SLC9A2: variants seen among roughly 807,000 people sequenced by gnomAD.
SLC9A2 encodes the protein solute carrier family 9 member A2.
SLC9A2 carries 42 observed loss-of-function variants against 71.7 expected under a neutral mutation model. The ratio of observed to expected loss-of-function variants is 0.59; its 90% CI spans 0.46 to 0.76. SLC9A2 has a LOEUF of 0.76. Among genes scored for constraint, SLC9A2 ranks in the 30% least tolerant of loss-of-function variants. SLC9A2 has a pLI of 0.00. For synonymous variants in SLC9A2, 396 were observed against 392.5 expected (o/e 1.01, Z -0.10); for missense variants, 829 against 1,017.4 (o/e 0.81, Z 2.52).
At chr2:102,699,653 G>A in intron 7 of SLC9A2, among the ~76,000 whole-genome samples, 1 of 152,136 alleles carries the variant, frequency 6.6e-6, no homozygotes, top group East Asian at 1.9e-4. Context: ...CAAAGATTTG[G>A]AGTACTAGTC....
At chr2:102,652,109 G>A (rs539601753) in intron 1 of SLC9A2, among the ~76,000 whole-genome samples, 1 of 152,150 alleles carries the variant, frequency 6.6e-6, no homozygotes, top group Non-Finnish European at 1.5e-5. Context: ...CATTTTAAAA[G>A]AAAGTGTTGA....
chr2:102,630,413 G>T (rs952141573), intron 1 of SLC9A2, among the ~76,000 whole-genome samples: 1 of 151,922 alleles, frequency 6.6e-6, no homozygotes, highest in African/African-American at 2.4e-5. Flanking sequence ...TCTTTTGTTG[G>T]TAAGTGGAAT....
intron 2 of SLC9A2, 30 bp from the exon 3 acceptor site, chr2:102,665,070 C>A: frequency 6.3e-7 from 1 of 1,595,438 alleles, no homozygotes; most frequent in African/African-American, 1.4e-5. Context: ...GGGAAAGGGT[C>A]TTGACAAGGT....
chr2:102,677,720 T>A (rs1348716677), intron 3 of SLC9A2, among the ~76,000 whole-genome samples: 1 of 152,200 alleles, frequency 6.6e-6, no homozygotes. Context: ...GGCAACACTT[T>A]TCTTTTTCCT....
chr2:102,620,080 G>A lies in SLC9A2; in HGVS notation c.232G>A (p.Val78Met). 1 of 1,613,890 alleles carries A rather than the reference G, an allele frequency of 6.2e-7. No homozygotes were observed. ...TGTGTTTACGCTGGATTACCCCCAC[G>A]TGCAGATCCCCTTCGAGATCACCCT... ...LPVFTLDYPH[V>M]QIPFEITLWI... The change falls in exon 1 of 12, where the codon GTG (valine) becomes ATG (methionine). Residue 78 changes from valine to methionine, a missense_variant. By Grantham distance (21) the Val-to-Met change is conservative. This residue lies in a region of SLC9A2 where 500 missense variants were observed against 726.3 expected (regional missense o/e 0.69). Transcript: ENST00000233969.
chr2:102,664,776 C>A (rs1032417776), intron 2 of SLC9A2, among the ~76,000 whole-genome samples: 11 of 152,162 alleles, frequency 7.2e-5, no homozygotes, highest in African/African-American at 2.6e-4. Context: ...GGATAGCAAA[C>A]AAATATTTTA....
At chr2:102,659,667 C>T (rs551938492) in intron 2 of SLC9A2, among the ~76,000 whole-genome samples, 12 of 152,138 alleles carry the variant, frequency 7.9e-5, no homozygotes, top group Admixed American at 5.2e-4. Context: ...TAACAAAATC[C>T]GCTTCATATA....
intron 7 of SLC9A2, among the ~76,000 whole-genome samples, chr2:102,699,690 C>T (rs1488119917): frequency 1.3e-5 from 2 of 152,108 alleles, no homozygotes; most frequent in Non-Finnish European, 2.9e-5. Context: ...ACCAAAGTAC[C>T]ACAGATTGAG....
chr2:102,631,671 A>T (rs1676359018), intron 1 of SLC9A2, among the ~76,000 whole-genome samples: 1 of 151,984 alleles, frequency 6.6e-6, no homozygotes, highest in Admixed American at 6.6e-5. Flanking sequence ...CTTTCTATAG[A>T]AGGCCTAATT....
chr2:102,644,796 C>G (rs988074617), intron 1 of SLC9A2, among the ~76,000 whole-genome samples: 5 of 152,204 alleles, frequency 3.3e-5, no homozygotes, highest in African/African-American at 1.2e-4. Context: ...GCAGCAGCCC[C>G]TGTCAAGGGC....
intron 1 of SLC9A2, among the ~76,000 whole-genome samples, chr2:102,637,949 C>T (rs1676500662): frequency 6.6e-6 from 1 of 152,238 alleles, no homozygotes; most frequent in African/African-American, 2.4e-5. Context: ...GCAAGCTGGA[C>T]AGCCAGCTCT....
rs201347551 is a variant in SLC9A2 at position 102,646,768 on chromosome 2, A to AATATATATATATATATATATATATATAT, written c.290-10774_290-10773insATATATATATATATATATATATATATAT. Among the ~76,000 whole-genome samples the AATATATATATATATATATATATATATAT allele has an allele frequency of 3.8e-4, 51 of 132,908 alleles. 1 individual carries two copies. Among genetic ancestry groups the AATATATATATATATATATATATATATAT allele is most frequent in the African/African-American group, 1.2e-3 (38 of 32,116 alleles). The allele number at this position is 132,908 out of a possible 152,430, so 87.2% of individuals were successfully genotyped here. On this transcript the variant is annotated intron_variant, in intron 1 of 11. Coordinates refer to ENST00000233969, the MANE Select transcript of SLC9A2 (RefSeq NM_003048.6). ...GCAGCAAGAAGAGCTAACGATCCTAAATATATATATATATATATATATCTC... is the reference window on the plus strand; with the variant it reads ...GCAGCAAGAAGAGCTAACGATCCTAAATATATATATATATATATATATATATATATATATATATATATATATATATCTC...
chr2:102,703,037 T>C (rs972317160), intron 9 of SLC9A2, among the ~76,000 whole-genome samples: 13 of 152,170 alleles, frequency 8.5e-5, no homozygotes, highest in Admixed American at 2.0e-4. Flanking sequence ...GGTGTTACTG[T>C]TGTCGCCATT....
intron 6 of SLC9A2, 66 bp from the exon 7 acceptor site, chr2:102,694,977 C>G: frequency 7.5e-7 from 1 of 1,335,904 alleles, no homozygotes. Context: ...AGAAATGATA[C>G]AAGTAGAGTG....
intron 3 of SLC9A2, among the ~76,000 whole-genome samples, chr2:102,672,275 T>A (rs1677267026): frequency 6.6e-6 from 1 of 152,228 alleles, no homozygotes; most frequent in Non-Finnish European, 1.5e-5. Flanking sequence ...CTGAAAATTA[T>A]CTTCAGTTTC....
At chr2:102,643,267 C>A (rs542944833) in intron 1 of SLC9A2, among the ~76,000 whole-genome samples, 1 of 152,128 alleles carries the variant, frequency 6.6e-6, no homozygotes, top group African/African-American at 2.4e-5. Context: ...CTCTTCTGCC[C>A]TTTTCCTTCT....
chr2:102,692,375 A>C (rs1388979640), intron 5 of SLC9A2, among the ~76,000 whole-genome samples: 1 of 152,224 alleles, frequency 6.6e-6, no homozygotes, highest in South Asian at 2.1e-4. Context: ...ATTATCAAAA[A>C]CATTCTTAAA....
chr2:102,619,932 C>G lies in SLC9A2; in HGVS notation c.84C>G (p.Pro28=). The G allele has an allele frequency of 6.2e-7, 1 of 1,605,928 alleles. No homozygotes were observed. Among genetic ancestry groups the G allele is most frequent in the Non-Finnish European group, 8.5e-7 (1 of 1,175,880 alleles). ...TGCTGCTCCTGCAGGTGGCGGGGCC[C>G]GTGGGCGCCCTGGCGGAGACCTTGC... ...LLLLLLQVAG[P]VGALAETLLN... is the part of the protein sequence containing the mutation. The change falls in exon 1 of 12, where the codon CCC becomes CCG. Residue 28 remains proline, a synonymous_variant. Coordinates refer to ENST00000233969, the MANE Select transcript of SLC9A2 (RefSeq NM_003048.6). The surrounding 1 kb of genome is among the most constrained non-coding windows in gnomAD (Gnocchi z 4.3).
chr2:102,704,967 C>T (rs1033895064), intron 10 of SLC9A2, among the ~76,000 whole-genome samples: 1 of 151,960 alleles, frequency 6.6e-6, no homozygotes, highest in African/African-American at 2.4e-5. Context: ...AAGCCGAAGC[C>T]GAGGCAGGTG....
Sources: gnomAD v4.1 joint callset for allele counts (sites outside exome capture counted in the v4.1 genomes callset) on GRCh38, gnomAD v4.1.1 for gene constraint, gnomAD v4.1.1 regional missense constraint, Gnocchi (gnomAD v3.1) non-coding constraint, MANE v1.5 for transcripts, NCBI Gene and HGNC (gene_info 2026-07-23, HGNC 2026-07-21) for gene names.